The following ADGRL3 variants were observed in gnomAD, a reference collection of about 807,000 sequenced individuals.
ADGRL3 encodes the protein adhesion G protein-coupled receptor L3, also known as calcium-independent alpha-latrotoxin receptor 3.
In ADGRL3, 62 loss-of-function variants were observed where a neutral mutation model predicts 153.5. The observed-to-expected ratio is 0.40, with a 90% CI of 0.33 to 0.50. The LOEUF is 0.50. Ranked by LOEUF, ADGRL3 falls within the 20% of genes least tolerant of loss-of-function variation. The pLI is 0.47. For synonymous variants in ADGRL3, 710 were observed against 672.5 expected (o/e 1.06, Z -0.86); for missense variants, 1,641 against 1,859.4 (o/e 0.88, Z 2.16).
intron 2 of ADGRL3, among the ~76,000 whole-genome samples, chr4:61,463,939 G>A (rs2097851814): frequency 1.3e-5 from 2 of 152,180 alleles, no homozygotes; most frequent in African/African-American, 4.8e-5. Context: ...ACTTGGTTCA[G>A]TAGGGTTCAG....
At chr4:61,337,740 A>G (rs1032711075) in intron 1 of ADGRL3, among the ~76,000 whole-genome samples, 1 of 152,210 alleles carries the variant, frequency 6.6e-6, no homozygotes, top group Non-Finnish European at 1.5e-5. Flanking sequence ...ATATGTGACC[A>G]TGAAAGTCAG....
intron 1 of ADGRL3, among the ~76,000 whole-genome samples, chr4:61,369,365 T>G (rs1352422949): frequency 2.0e-5 from 3 of 152,178 alleles, no homozygotes; most frequent in Non-Finnish European, 4.4e-5. Flanking sequence ...TGGCTGTGGG[T>G]TTGTCATAGA....
In ADGRL3 at chr4:61,304,373, T is replaced by A. The variant is rs186454553; in HGVS notation, c.-239-78751T>A. Among the ~76,000 whole-genome samples, 9 of 152,332 alleles carry A rather than the reference T, an allele frequency of 5.9e-5. No individual in the cohort carries two copies. The East Asian group carries it at 1.7e-3, about 29-fold the overall frequency. ...GAGGCTTTCAGCCTCTTTGTTTATA[T>A]TATTGACTAAAGTGATTACATACCA... On this transcript the variant is annotated intron_variant, in intron 1 of 26. Transcript: ENST00000683033.
intron 8 of ADGRL3, among the ~76,000 whole-genome samples, chr4:61,794,159 TAA>T (rs1182230195): frequency 1.5e-4 from 23 of 152,298 alleles, no homozygotes; most frequent in African/African-American, 5.5e-4. Flanking sequence ...TTTTTGTTGT[TAA>T]AGAGTTTTAA....
At chr4:61,915,841 G>T (rs761629636) in intron 13 of ADGRL3, among the ~76,000 whole-genome samples, 2 of 151,946 alleles carry the variant, frequency 1.3e-5, no homozygotes, top group African/African-American at 2.4e-5. Flanking sequence ...TACGAAATAG[G>T]TGTGAAATAT....
chr4:61,795,499 A>C (rs929892698), intron 8 of ADGRL3, among the ~76,000 whole-genome samples: 3 of 152,210 alleles, frequency 2.0e-5, no homozygotes, highest in Admixed American at 6.5e-5. Context: ...TTTCCAGTTC[A>C]TATGTGATAT....
At chr4:61,475,414 T>C (rs2098033988) in intron 2 of ADGRL3, among the ~76,000 whole-genome samples, 1 of 152,178 alleles carries the variant, frequency 6.6e-6, no homozygotes, top group Admixed American at 6.5e-5. Flanking sequence ...GGGGTTTTTT[T>C]CCTGTCATTC....
intron 5 of ADGRL3, among the ~76,000 whole-genome samples, chr4:61,615,728 G>A (rs2091925822): frequency 6.6e-6 from 1 of 151,842 alleles, no homozygotes; most frequent in Non-Finnish European, 1.5e-5. Context: ...TTGCTTTTGG[G>A]AATTTATGAC....
chr4:61,416,409 GA>G (rs1363106485), intron 2 of ADGRL3, among the ~76,000 whole-genome samples: 1 of 151,650 alleles, frequency 6.6e-6, no homozygotes, highest in African/African-American at 2.4e-5. Flanking sequence ...AAAGAATAAG[GA>G]CATTGAAAAT....
At chr4:61,554,258 T>A (rs11731334) in intron 4 of ADGRL3, among the ~76,000 whole-genome samples, 32,208 of 151,498 alleles carry the variant, frequency 0.21, 3,901 homozygotes, top group Non-Finnish European at 0.27. Context: ...CAGTGGCGCA[T>A]TCTTGGCTCA....
At chr4:61,971,610 G>A (rs71608816) in intron 17 of ADGRL3, among the ~76,000 whole-genome samples, 28,507 of 150,810 alleles carry the variant, frequency 0.19, 3,256 homozygotes, top group East Asian at 0.43. Context: ...TAGTGCTGCA[G>A]TAAACATACA....
intron 9 of ADGRL3, among the ~76,000 whole-genome samples, chr4:61,870,169 C>A (rs2098435652): frequency 6.6e-6 from 1 of 151,562 alleles, no homozygotes; most frequent in Non-Finnish European, 1.5e-5. Context: ...ATGGAAGGTG[C>A]CCACCAGACA....
At chr4:61,431,384 A>G (rs1214373898) in intron 2 of ADGRL3, among the ~76,000 whole-genome samples, 3 of 152,172 alleles carry the variant, frequency 2.0e-5, no homozygotes, top group African/African-American at 7.2e-5. Flanking sequence ...GTCAGGGGAA[A>G]TGGTTGTCTT....
chr4:61,261,192 T>C (rs56345788), intron 1 of ADGRL3, among the ~76,000 whole-genome samples: 2,001 of 63,104 alleles, frequency 0.032, 27 homozygotes, highest in African/African-American at 0.07. Context: ...TCTTCTTCTT[T>C]TTTTTTTTTT....
chr4:61,549,066 T>C (rs1482396212), intron 4 of ADGRL3, among the ~76,000 whole-genome samples: 2 of 152,092 alleles, frequency 1.3e-5, no homozygotes, highest in African/African-American at 4.8e-5. Context: ...CCTAATTAGC[T>C]GTATTTCTAG....
In ADGRL3 at chr4:61,799,083, G is replaced by GGATAGATA. The variant is rs150251468; in HGVS notation, c.1400-14706_1400-14699dup. Among the ~76,000 whole-genome samples the GGATAGATA allele has an allele frequency of 7.5e-3, 997 of 133,744 alleles. 19 individuals carry two copies. Among genetic ancestry groups the GGATAGATA allele is most frequent in the African/African-American group, 0.025 (914 of 36,058 alleles). The allele number at this position is 133,744 out of a possible 152,430, so 87.7% of individuals were successfully genotyped here. A position where few individuals can be genotyped will look rare whatever the true frequency, so the allele number is the denominator to read the frequency against. ...TACAGTGGTAGATAGATAGGTAGAT[G>GGATAGATA]GATAGATAGATAGATAGATAGATAG... is the stretch of plus-strand genomic sequence containing the variant. On this transcript the variant is annotated intron_variant, in intron 8 of 26. Transcript: ENST00000683033.
chr4:61,511,947 C>A (rs538996495), intron 3 of ADGRL3, among the ~76,000 whole-genome samples: 6 of 152,002 alleles, frequency 3.9e-5, no homozygotes, highest in Non-Finnish European at 8.8e-5. Flanking sequence ...ATCATATACA[C>A]CTTAGGGAGA....
chr4:61,699,753 A>G (rs1171192974), intron 6 of ADGRL3, among the ~76,000 whole-genome samples: 2 of 152,194 alleles, frequency 1.3e-5, no homozygotes, highest in Admixed American at 6.5e-5. Context: ...AATTAAGTCT[A>G]TGCAATCATG....
intron 9 of ADGRL3, among the ~76,000 whole-genome samples, chr4:61,824,385 A>G (rs2097782642): frequency 6.6e-6 from 1 of 152,244 alleles, no homozygotes. Context: ...CTAATGATGT[A>G]TTACAAATTG....
Sources: allele counts gnomAD v4.1 joint callset (sites outside exome capture counted in the v4.1 genomes callset), GRCh38; gene constraint gnomAD v4.1.1; transcripts MANE v1.5; gene names NCBI Gene and HGNC (gene_info 2026-07-23, HGNC 2026-07-21).